Variants in PCDH15 observed in about 807,000 individuals in gnomAD.
The protein encoded by PCDH15 is protocadherin-15.
Under a neutral mutation model 178.5 loss-of-function variants are expected in PCDH15, and 129 were observed. The ratio of observed to expected loss-of-function variants is 0.72; its 90% CI spans 0.63 to 0.84. The LOEUF (loss-of-function observed/expected upper bound fraction) is 0.84. Among genes scored for constraint, PCDH15 ranks in the 40% least tolerant of loss-of-function variants. PCDH15 has a pLI of 0.00. For synonymous variants in PCDH15, 800 were observed against 732.0 expected (o/e 1.09, Z -1.50); for missense variants, 2,230 against 2,099.9 (o/e 1.06, Z -1.21).
At chr10:55,084,102 C>T (rs1256570696) in intron 2 of PCDH15, among the ~76,000 whole-genome samples, 2 of 151,220 alleles carry the variant, frequency 1.3e-5, no homozygotes, top group African/African-American at 2.4e-5. Flanking sequence ...TACTGAAGAC[C>T]CAGAATAGCC....
chr10:53,808,953 T>A, intron 37 of PCDH15: 1 of 1,559,116 alleles, frequency 6.4e-7, no homozygotes, highest in Non-Finnish European at 8.7e-7. Context: ...GTCCACTTTC[T>A]TCTTCTTCTG....
intron 3 of PCDH15, among the ~76,000 whole-genome samples, chr10:54,891,518 G>C (rs1180888579): frequency 6.6e-6 from 1 of 152,088 alleles, no homozygotes; most frequent in African/African-American, 2.4e-5. Flanking sequence ...AGAAAACTTA[G>C]ATAGAAAAGT....
intron 26 of PCDH15, among the ~76,000 whole-genome samples, chr10:53,892,829 T>C (rs1477735031): frequency 1.3e-5 from 2 of 152,206 alleles, no homozygotes; most frequent in Non-Finnish European, 2.9e-5. Context: ...GTAACAGCGA[T>C]ATATTCTTTA....
In PCDH15 at chr10:55,134,920, T is replaced by C. The variant is rs149122682; in HGVS notation, c.-80+31656A>G. ...AATTTAGAATCTTCAGTAAGATAGA[T>C]TTGGTGTGTTTACTAGCCCCTTCAG... is the stretch of plus-strand genomic sequence containing the variant. On this transcript the variant is annotated intron_variant, in intron 2 of 5. Coordinates refer to the PCDH15 transcript ENST00000458638. Among the ~76,000 whole-genome samples, 575 of 152,308 alleles carry C rather than the reference T, an allele frequency of 3.8e-3. 7 individuals carry two copies. Among genetic ancestry groups the C allele is most frequent in the African/African-American group, 0.013 (529 of 41,566 alleles).
chr10:55,204,614 A>G (rs1169737339), intron 1 of PCDH15, among the ~76,000 whole-genome samples: 5 of 152,100 alleles, frequency 3.3e-5, no homozygotes, highest in Non-Finnish European at 4.4e-5. Context: ...TGGCTCCAGA[A>G]AATCTAAATT....
intron 2 of PCDH15, among the ~76,000 whole-genome samples, chr10:55,456,290 C>T (rs754744668): frequency 6.6e-5 from 10 of 151,982 alleles, no homozygotes; most frequent in Non-Finnish European, 1.5e-4. Flanking sequence ...ATAGTAGTTA[C>T]CTATGGAGAG....
At chr10:54,244,300 A>G (rs2055703099) in intron 8 of PCDH15, among the ~76,000 whole-genome samples, 1 of 151,972 alleles carries the variant, frequency 6.6e-6, no homozygotes, top group South Asian at 2.1e-4. Context: ...TACTTCCCTT[A>G]TTTTCAAAAT....
At chr10:53,833,056 T>G (rs2077103886) in intron 29 of PCDH15, among the ~76,000 whole-genome samples, 1 of 151,982 alleles carries the variant, frequency 6.6e-6, no homozygotes, top group African/African-American at 2.4e-5. Context: ...TTACTAGAAA[T>G]AGAATAGTGA....
intron 1 of PCDH15, among the ~76,000 whole-genome samples, chr10:55,180,777 A>G (rs950432122): frequency 6.6e-6 from 1 of 152,098 alleles, no homozygotes; most frequent in Admixed American, 6.6e-5. Context: ...CTCACATTTC[A>G]GTTGCAGATG....
intron 2 of PCDH15, among the ~76,000 whole-genome samples, chr10:54,963,102 G>A (rs1362387997): frequency 3.3e-5 from 5 of 152,086 alleles, no homozygotes; most frequent in African/African-American, 1.2e-4. Flanking sequence ...TTTTGTTGTT[G>A]TTTCTACAGT....
intron 2 of PCDH15, among the ~76,000 whole-genome samples, chr10:54,936,879 T>G (rs1214676839): frequency 6.6e-6 from 1 of 151,942 alleles, no homozygotes; most frequent in Non-Finnish European, 1.5e-5. Flanking sequence ...ATTTTTCTTT[T>G]GTTGTTTGTG....
rs1365268755 is a variant in PCDH15, at chr10:55,440,805, A to G, written c.-156+186820T>C. Among the ~76,000 whole-genome samples, 4 of 152,168 alleles carry G rather than the reference A, an allele frequency of 2.6e-5. No individual in the cohort carries two copies. In the East Asian group the frequency reaches 7.7e-4, roughly 29 times the overall value. ...AAAAGTGGTTTAATGGACTCACAGT[A>G]CCAAGCAGCTGGGGAAGCCTCACAG... On this transcript the variant is annotated intron_variant, in intron 2 of 5. Coordinates refer to the PCDH15 transcript ENST00000613346.
chr10:54,967,273 T>A (rs944446827), intron 2 of PCDH15, among the ~76,000 whole-genome samples: 1 of 152,110 alleles, frequency 6.6e-6, no homozygotes, highest in Admixed American at 6.6e-5. Flanking sequence ...ACATTATGCA[T>A]AACTGTGTAT....
chr10:54,575,131 C>A (rs1302929885), intron 2 of PCDH15: 1 of 127,688 alleles, frequency 7.8e-6, no homozygotes, highest in Non-Finnish European at 1.6e-5. Flanking sequence ...AAGGGAATAT[C>A]ACACTCTGGG....
At chr10:55,070,902 C>T (rs1216888071) in intron 2 of PCDH15, among the ~76,000 whole-genome samples, 1 of 152,098 alleles carries the variant, frequency 6.6e-6, no homozygotes, top group Non-Finnish European at 1.5e-5. Flanking sequence ...ATTCTTCCTT[C>T]CCATGAGCAT....
intron 33 of PCDH15, 44 bp downstream of exon 33, chr10:53,820,121 A>G: frequency 2.5e-6 from 1 of 397,096 alleles, no homozygotes; most frequent in Admixed American, 4.4e-5. Context: ...ATATTAGCTT[A>G]GAAAAGACAC....
At chr10:55,488,190 C>G (rs1220489046) in intron 2 of PCDH15, among the ~76,000 whole-genome samples, 1 of 151,598 alleles carries the variant, frequency 6.6e-6, no homozygotes, top group Non-Finnish European at 1.5e-5. Flanking sequence ...TGTATATTTT[C>G]TTTAAAGTCC....
chr10:54,977,840 T>C (rs1839114058), intron 2 of PCDH15, among the ~76,000 whole-genome samples: 1 of 152,204 alleles, frequency 6.6e-6, no homozygotes, highest in Non-Finnish European at 1.5e-5. Context: ...ACATTGTATT[T>C]ATCATAAAGA....
chr10:54,040,948 T>C (rs2135513581), intron 18 of PCDH15, among the ~76,000 whole-genome samples: 1 of 152,220 alleles, frequency 6.6e-6, no homozygotes, highest in African/African-American at 2.4e-5. Flanking sequence ...AACTTTTAAA[T>C]AGGCCCTTTT....
Sources: gnomAD v4.1 joint callset for allele counts (sites outside exome capture counted in the v4.1 genomes callset) on GRCh38, gnomAD v4.1.1 for gene constraint, MANE v1.5 for transcripts, NCBI Gene and HGNC (gene_info 2026-07-23, HGNC 2026-07-21) for gene names.